The following SYNE1 variants were observed in gnomAD, a reference collection of about 807,000 sequenced individuals.
SYNE1 encodes spectrin repeat containing nuclear envelope protein 1.
Under a neutral mutation model 1,111.0 loss-of-function variants are expected in SYNE1, and 616 were observed. That is an observed-to-expected ratio of 0.55 (90% confidence interval 0.52 to 0.59). The LOEUF (loss-of-function observed/expected upper bound fraction) is 0.59, where lower values mean the gene tolerates loss of function less well. Ranked by LOEUF, SYNE1 falls within the 20% of genes least tolerant of loss-of-function variation. SYNE1 has a pLI of 0.00. For missense variants in SYNE1, 10,006 were observed against 10,417.0 expected (o/e 0.96, Z 1.72); for synonymous variants, 3,855 against 3,825.8 (o/e 1.01, Z -0.28).
chr6:152,482,910 T>C (rs2098916143), intron 14 of SYNE1, among the ~76,000 whole-genome samples, 175 bp downstream of exon 14: 1 of 152,228 alleles, frequency 6.6e-6, no homozygotes, highest in Admixed American at 6.5e-5. Flanking sequence ...GGAACCGTCA[T>C]TAACCAGTGT....
In SYNE1 at chr6:152,409,660, G is replaced by T. The variant is rs1196284302; in HGVS notation, c.6280C>A (p.Leu2094Met). 6.2e-7 allele frequency: 1 copy of T among 1,613,816 alleles called. No homozygotes were observed. The highest frequency in any genetic ancestry group is 1.1e-5 in the South Asian group (1 of 91,072). Residue 2094 changes from leucine (L) to methionine (M), a missense_variant, in exon 43 of 146, where the codon CTG (leucine) becomes ATG (methionine). Coordinates refer to ENST00000367255, the MANE Select transcript of SYNE1 (RefSeq NM_182961.4). ...LIDLMREYQN[L>M]KSAVSKVLEN... ...AAGACTTTAGATACAGCTGATTTCA[G>T]GTTCTGATATTCTCTCATTAAGTCA...
chr6:152,225,931 T>C, intron 115 of SYNE1, 55 bp from the exon 116 acceptor site: 1 of 1,566,270 alleles, frequency 6.4e-7, no homozygotes, highest in Non-Finnish European at 8.7e-7. Context: ...AACTCTGGGG[T>C]GCACTGAAAT....
intron 27 of SYNE1, 101 bp downstream of exon 27, chr6:152,450,524 G>T: frequency 8.9e-7 from 1 of 1,119,600 alleles, no homozygotes; most frequent in Non-Finnish European, 1.3e-6. Flanking sequence ...GAGAACATGA[G>T]CAAGAAATAT....
intron 8 of SYNE1, among the ~76,000 whole-genome samples, chr6:152,509,671 T>A (rs17699049): frequency 0.049 from 7,457 of 150,732 alleles, 245 homozygotes; most frequent in Non-Finnish European, 0.067. Context: ...AAAGCTAGAG[T>A]TGACAAAAAA....
At chr6:152,278,416 C>T (rs1241592126) in intron 97 of SYNE1, 136 bp from the exon 98 acceptor site, 44 of 943,636 alleles carry the variant, frequency 4.7e-5, no homozygotes, top group Non-Finnish European at 6.5e-5. Context: ...AGTTTTCCCA[C>T]GGCCTTGACG....
chr6:152,370,553 C>A (rs1281426377), intron 59 of SYNE1, among the ~76,000 whole-genome samples: 2 of 152,090 alleles, frequency 1.3e-5, no homozygotes, highest in Non-Finnish European at 2.9e-5. Flanking sequence ...CTATGTAGTA[C>A]CCTAGGTGTA....
intron 16 of SYNE1, among the ~76,000 whole-genome samples, chr6:152,470,902 T>A (rs542373130): frequency 1.6e-4 from 24 of 152,216 alleles, no homozygotes; most frequent in Non-Finnish European, 2.6e-4. Flanking sequence ...AGAAATAACC[T>A]GTCTTTAGTA....
At chr6:152,461,252 T>G (rs1007308562) in intron 21 of SYNE1, among the ~76,000 whole-genome samples, 3 of 152,140 alleles carry the variant, frequency 2.0e-5, no homozygotes, top group Non-Finnish European at 4.4e-5. Context: ...CCAATTCTCA[T>G]TTAAATTTAT....
Position 152,471,732 on chromosome 6 carries a change from G to C in SYNE1, c.1497C>G (p.His499Gln), listed in dbSNP as rs758555741. 1.9e-6 allele frequency: 3 copies of C among 1,613,832 alleles called. No homozygotes were observed. The change falls in exon 16 of 146, where the codon CAC (histidine) becomes CAG (glutamine). Residue 499 changes from histidine (H) to glutamine (Q), a missense_variant. Physicochemically the swap from His to Gln is conservative, Grantham distance 24. Around this residue, in one of 7 missense-constraint regions of SYNE1, gnomAD observed 1,971 missense variants for 2,084.1 expected, o/e 0.95. Transcript: ENST00000367255. ...ATTCTAAAAATTCCATTTTCATTAG[G>C]TGTAGCTCTGATGTGGAGGAAACAA... ...FHFVSSTSEL[H>Q]LMKMEFLELK...
chr6:152,197,608 C>A (rs1284355342), intron 127 of SYNE1, among the ~76,000 whole-genome samples: 4 of 152,184 alleles, frequency 2.6e-5, no homozygotes, highest in Non-Finnish European at 5.9e-5. Flanking sequence ...CATCAGATAT[C>A]TAGGGTGACT....
intron 119 of SYNE1, 122 bp from the exon 120 acceptor site, chr6:152,219,307 A>G (rs2079515882): frequency 5.1e-6 from 5 of 982,794 alleles, no homozygotes; most frequent in Non-Finnish European, 7.9e-6. Context: ...TATTAGGCTA[A>G]ATAAACTTCA....
At chr6:152,256,875 T>C (rs2090979373) in intron 101 of SYNE1, 110 bp from the exon 102 acceptor site, 10 of 1,523,304 alleles carry the variant, frequency 6.6e-6, no homozygotes, top group Non-Finnish European at 9.0e-6. Flanking sequence ...CATATGAAAA[T>C]TTCTTCTAGA....
At chr6:152,286,265 A>G (rs939280309) in intron 95 of SYNE1, among the ~76,000 whole-genome samples, 2 of 152,208 alleles carry the variant, frequency 1.3e-5, no homozygotes, top group African/African-American at 4.8e-5. Flanking sequence ...CCAGGATTCT[A>G]TAAGCTCTTT....
In SYNE1 at chr6:152,409,587, T is replaced by C; in HGVS notation, c.6353A>G (p.Gln2118Arg). Residue 2118 changes from glutamine (Q) to arginine (R), a missense_variant, in exon 43 of 146, where the codon CAG becomes CGG. This residue lies in a region of SYNE1 where 4,955 missense variants were observed against 5,017.2 expected (regional missense o/e 0.99). Coordinates refer to ENST00000367255, the MANE Select transcript of SYNE1 (RefSeq NM_182961.4). ...VIVTRTTIKD[Q>R]EDLKWAFSKH... ...GGAAAAAGCCCATTTAAGATCCTCC[T>C]GATCTTTTATGGTAGTTCTGGTTAC... The C allele has an allele frequency of 1.2e-6, 2 of 1,613,860 alleles. No homozygotes were observed. Among genetic ancestry groups the C allele is most frequent in the South Asian group, 1.1e-5 (1 of 91,078 alleles).
intron 3 of SYNE1, among the ~76,000 whole-genome samples, chr6:152,620,455 C>G (rs1431805204): frequency 6.6e-6 from 1 of 152,192 alleles, no homozygotes; most frequent in East Asian, 1.9e-4. Context: ...TACTCAACTC[C>G]TTTCCTGGAA....
At chr6:152,358,280 G>A in intron 66 of SYNE1, 93 bp downstream of exon 66, 1 of 1,551,090 alleles carries the variant, frequency 6.4e-7, no homozygotes, top group Non-Finnish European at 8.9e-7. Context: ...CTAGCCACTG[G>A]ACTCAAGGTT....
chr6:152,342,847 T>G (rs1192654000), intron 74 of SYNE1, among the ~76,000 whole-genome samples: 1 of 152,222 alleles, frequency 6.6e-6, no homozygotes, highest in Non-Finnish European at 1.5e-5. Context: ...TCCCTTCACA[T>G]GATAAAAACT....
intron 3 of SYNE1, among the ~76,000 whole-genome samples, chr6:152,571,441 T>C (rs980780610): frequency 1.3e-5 from 2 of 152,220 alleles, no homozygotes; most frequent in Admixed American, 6.5e-5. Flanking sequence ...AGAATACATG[T>C]ATATGAATCC....
intron 50 of SYNE1, among the ~76,000 whole-genome samples, chr6:152,396,358 C>T (rs911532356): frequency 9.2e-5 from 14 of 152,098 alleles, no homozygotes; most frequent in African/African-American, 2.7e-4. Context: ...CCCTTCTAAT[C>T]GTATATTCAC....
Sources: allele counts gnomAD v4.1 joint callset (sites outside exome capture counted in the v4.1 genomes callset), GRCh38; gene constraint gnomAD v4.1.1; regional missense constraint gnomAD v4.1.1; transcripts MANE v1.5; gene names NCBI Gene and HGNC (gene_info 2026-07-23, HGNC 2026-07-21).